Variants in ITGA9 observed in about 807,000 individuals in gnomAD.
ITGA9 encodes integrin alpha-9.
Under a neutral mutation model 127.8 loss-of-function variants are expected in ITGA9, and 56 were observed. The ratio of observed to expected loss-of-function variants is 0.44; its 90% CI spans 0.35 to 0.55. ITGA9 has a LOEUF of 0.55. ITGA9 is among the 20% of genes least tolerant of loss of function. The probability of loss-of-function intolerance (pLI) is 0.00; values close to 1 mark genes in which losing one functional copy is unlikely to be tolerated. For missense variants in ITGA9, 1,196 were observed against 1,347.1 expected (o/e 0.89, Z 1.76); for synonymous variants, 508 against 514.5 (o/e 0.99, Z 0.17).
At chr3:37,698,886 C>T (rs1300542982) in intron 18 of ITGA9, among the ~76,000 whole-genome samples, 2 of 152,120 alleles carry the variant, frequency 1.3e-5, no homozygotes, top group African/African-American at 2.4e-5. Context: ...AATTGTGTTT[C>T]TTTGTGATTT....
intron 13 of ITGA9, among the ~76,000 whole-genome samples, chr3:37,532,534 G>A (rs1445865964): frequency 1.3e-5 from 2 of 152,250 alleles, no homozygotes; most frequent in African/African-American, 4.8e-5. Context: ...AGGTTGAGCG[G>A]TAGCTTAGGT....
In ITGA9 at chr3:37,563,374, A is replaced by C. The variant is rs114354296; in HGVS notation, c.1689+20789A>C. 1.7e-3 allele frequency among the ~76,000 whole-genome samples: 252 copies of C among 152,230 alleles called. 1 individual carries two copies. Among genetic ancestry groups the C allele is most frequent in the African/African-American group, 5.8e-3 (241 of 41,536 alleles). On this transcript the variant is annotated intron_variant, in intron 15 of 27. Transcript: ENST00000264741. ...GCCAGCAACTCCCTTCAACCCCCTA[A>C]ATTTTGGATTGTCCTAATGAAATCT...
rs558255481 is a variant in ITGA9, at chr3:37,717,500, G to A, written c.2068-15212G>A. On this transcript the variant is annotated intron_variant, in intron 18 of 27. Transcript: ENST00000264741. The stretch of plus-strand genomic sequence containing the variant: ...GTTCCACAGGCTTCACAGGAAGCAC[G>A]ACTAGGAGGCCTCAGGAAACTTACA... Among the ~76,000 whole-genome samples the A allele has an allele frequency of 6.6e-5, 10 of 152,294 alleles. No homozygotes were observed. In the South Asian group the frequency reaches 2.1e-3, roughly 32 times the overall value.
intron 1 of ITGA9, among the ~76,000 whole-genome samples, chr3:37,453,416 G>T (rs1398220038): frequency 6.6e-6 from 1 of 152,198 alleles, no homozygotes; most frequent in Non-Finnish European, 1.5e-5. Flanking sequence ...ACCATAAGCC[G>T]AGTGGTACAG....
chr3:37,645,323 G>A (rs1318317895), intron 16 of ITGA9, among the ~76,000 whole-genome samples: 1 of 152,132 alleles, frequency 6.6e-6, no homozygotes, highest in Non-Finnish European at 1.5e-5. Context: ...AATCCCAGCA[G>A]TTTGGGAGGC....
intron 13 of ITGA9, among the ~76,000 whole-genome samples, chr3:37,528,354 A>G (rs1699115869): frequency 6.6e-6 from 1 of 152,174 alleles, no homozygotes; most frequent in African/African-American, 2.4e-5. Flanking sequence ...GGAGCTCAAC[A>G]GGGACAAATG....
At chr3:37,709,185 C>CT (rs1701049301) in intron 18 of ITGA9, among the ~76,000 whole-genome samples, 2 of 152,140 alleles carry the variant, frequency 1.3e-5, no homozygotes, top group African/African-American at 4.8e-5. Flanking sequence ...CACTTAGGAC[C>CT]ATACCTGAGA....
rs115565931 is a variant in ITGA9, at chr3:37,687,816, A to G, written c.2067+3801A>G. ...TTCCAGTTTGGATTTCCCCAAAAGC[A>G]TACCCTGATACAATGATACAGGTAC... On this transcript the variant is annotated intron_variant, in intron 18 of 27. Coordinates refer to ENST00000264741, the MANE Select transcript of ITGA9 (RefSeq NM_002207.3). Among the ~76,000 whole-genome samples the G allele has an allele frequency of 9.8e-3, 1,497 of 152,336 alleles. 28 individuals are homozygous for G. The highest frequency in any genetic ancestry group is 0.035 in the African/African-American group (1,435 of 41,562).
At chr3:37,672,218 C>T (rs143228580) in intron 17 of ITGA9, among the ~76,000 whole-genome samples, 122 of 152,150 alleles carry the variant, frequency 8.0e-4, no homozygotes, top group Non-Finnish European at 1.4e-3. Context: ...GGCTGTGTCC[C>T]CACCTAAATC....
intron 5 of ITGA9, among the ~76,000 whole-genome samples, chr3:37,502,462 G>T (rs1030025963): frequency 6.6e-6 from 1 of 152,000 alleles, no homozygotes; most frequent in Non-Finnish European, 1.5e-5. Context: ...TGATCCACCC[G>T]CCTCGGCCTC....
At chr3:37,618,193 A>T (rs1306562135) in intron 15 of ITGA9, among the ~76,000 whole-genome samples, 1 of 152,212 alleles carries the variant, frequency 6.6e-6, no homozygotes, top group Non-Finnish European at 1.5e-5. Context: ...CAGGACCCTC[A>T]GCTGCAGGTC....
intron 4 of ITGA9, among the ~76,000 whole-genome samples, chr3:37,487,553 T>C (rs1698623768): frequency 6.6e-6 from 1 of 152,206 alleles, no homozygotes; most frequent in Non-Finnish European, 1.5e-5. Context: ...TCACCTAATA[T>C]TTATTGAGCA....
intron 16 of ITGA9, among the ~76,000 whole-genome samples, chr3:37,643,011 G>A (rs1419723325): frequency 1.3e-5 from 2 of 152,216 alleles, no homozygotes; most frequent in African/African-American, 2.4e-5. Flanking sequence ...CTCTGCAGAA[G>A]GAATGGAAGG....
At chr3:37,673,277 G>A (rs1700654092) in intron 17 of ITGA9, among the ~76,000 whole-genome samples, 1 of 152,120 alleles carries the variant, frequency 6.6e-6, no homozygotes, top group Non-Finnish European at 1.5e-5. Flanking sequence ...CCTATTCCAA[G>A]CTGAGAGTAA....
At chr3:37,656,747 G>A (rs993050666) in intron 17 of ITGA9, among the ~76,000 whole-genome samples, 3 of 152,130 alleles carry the variant, frequency 2.0e-5, no homozygotes, top group Non-Finnish European at 4.4e-5. Flanking sequence ...AGTGATGAGC[G>A]AGGGCATCCT....
chr3:37,801,492 C>T (rs998020007), intron 26 of ITGA9, among the ~76,000 whole-genome samples: 6 of 152,096 alleles, frequency 3.9e-5, no homozygotes, highest in African/African-American at 1.4e-4. Flanking sequence ...GTAAAAAGAG[C>T]TGGGAGTGGT....
intron 16 of ITGA9, among the ~76,000 whole-genome samples, chr3:37,637,261 A>G (rs1240507408): frequency 6.6e-6 from 1 of 152,224 alleles, no homozygotes; most frequent in Non-Finnish European, 1.5e-5. Flanking sequence ...CTTCCTACCT[A>G]CGAGCATGGA....
intron 15 of ITGA9, among the ~76,000 whole-genome samples, chr3:37,572,124 A>T (rs1699607869): frequency 6.6e-6 from 1 of 151,996 alleles, no homozygotes; most frequent in African/African-American, 2.4e-5. Flanking sequence ...CCCTGTAAAC[A>T]TGCCCAGGGG....
At chr3:37,470,370 C>T (rs182952745) in intron 1 of ITGA9, among the ~76,000 whole-genome samples, 14 of 152,216 alleles carry the variant, frequency 9.2e-5, no homozygotes, top group East Asian at 3.9e-4. Context: ...TATATCCTTG[C>T]CAGCACTTGG....
Sources: allele counts gnomAD v4.1 joint callset (sites outside exome capture counted in the v4.1 genomes callset), GRCh38; gene constraint gnomAD v4.1.1; transcripts MANE v1.5; gene names NCBI Gene and HGNC (gene_info 2026-07-23, HGNC 2026-07-21).